Variants in LUZP2 observed in about 807,000 individuals in gnomAD.
LUZP2 encodes the protein leucine zipper protein 2.
In LUZP2, 52 loss-of-function variants were observed where a neutral mutation model predicts 51.6. That is an observed-to-expected ratio of 1.01 (90% confidence interval 0.81 to 1.27). The LOEUF (loss-of-function observed/expected upper bound fraction) is 1.27, where lower values mean the gene tolerates loss of function less well. LUZP2 is among the 50% of genes most tolerant of loss of function. The pLI is 0.00. For missense variants in LUZP2, 436 were observed against 395.4 expected (o/e 1.10, Z -0.87); for synonymous variants, 154 against 137.3 (o/e 1.12, Z -0.85).
chr11:24,741,320 C>G (rs1306052727), intron 4 of LUZP2, among the ~76,000 whole-genome samples: 2 of 152,088 alleles, frequency 1.3e-5, no homozygotes, highest in East Asian at 3.9e-4. Flanking sequence ...GATATTTTTA[C>G]TGTTATTAAA....
chr11:24,803,544 C>G lies in LUZP2; in HGVS notation c.396+40236C>G, dbSNP rs376830291. Among the ~76,000 whole-genome samples the G allele has an allele frequency of 1.9e-4, 29 of 152,126 alleles. No homozygotes were observed. The East Asian group carries it at 4.6e-3, about 24-fold the overall frequency. On this transcript the variant is annotated intron_variant, in intron 5 of 11. Coordinates refer to ENST00000336930, the MANE Select transcript of LUZP2 (RefSeq NM_001009909.4). ...ATTCATACACCAACATTTATAGCAG[C>G]GTTATTCACAGCAGCTAAAATGGGA... is the stretch of plus-strand genomic sequence containing the variant.
chr11:24,792,106 A>G (rs1849425058), intron 5 of LUZP2, among the ~76,000 whole-genome samples: 1 of 151,796 alleles, frequency 6.6e-6, no homozygotes, highest in South Asian at 2.1e-4. Context: ...CTTGTGACCT[A>G]CCTATCTTGC....
chr11:24,627,847 C>T (rs1449195056), intron 1 of LUZP2, among the ~76,000 whole-genome samples: 1 of 152,200 alleles, frequency 6.6e-6, no homozygotes, highest in Non-Finnish European at 1.5e-5. Context: ...TTCCCTCCAG[C>T]TTACTCTTCT....
intron 5 of LUZP2, among the ~76,000 whole-genome samples, chr11:24,809,585 A>G (rs1849956784): frequency 6.6e-6 from 1 of 152,160 alleles, no homozygotes; most frequent in Admixed American, 6.6e-5. Context: ...GCCTTAAGGT[A>G]TTTAGGGAAG....
chr11:24,865,928 G>T (rs1851880029), intron 5 of LUZP2, among the ~76,000 whole-genome samples: 2 of 151,742 alleles, frequency 1.3e-5, no homozygotes, highest in African/African-American at 4.8e-5. Context: ...TCCTGCCTCA[G>T]CCTCTGGAGT....
chr11:24,768,113 A>G (rs1444835670), intron 5 of LUZP2, among the ~76,000 whole-genome samples: 2 of 152,066 alleles, frequency 1.3e-5, no homozygotes, highest in East Asian at 3.9e-4. Context: ...CACTGGGACA[A>G]GCATCTTTAA....
chr11:24,911,783 G>A (rs1377915444), intron 6 of LUZP2, among the ~76,000 whole-genome samples: 1 of 152,154 alleles, frequency 6.6e-6, no homozygotes, highest in African/African-American at 2.4e-5. Context: ...GGGAAGCTGT[G>A]TGAGGACAGA....
At chr11:24,513,754 A>G (rs1301704875) in intron 1 of LUZP2, among the ~76,000 whole-genome samples, 1 of 152,162 alleles carries the variant, frequency 6.6e-6, no homozygotes, top group Non-Finnish European at 1.5e-5. Context: ...CCAAACAATC[A>G]CTAAATGCTG....
chr11:24,624,466 A>C (rs1475240621), intron 1 of LUZP2, among the ~76,000 whole-genome samples: 1 of 152,168 alleles, frequency 6.6e-6, no homozygotes, highest in Admixed American at 6.5e-5. Context: ...AGAGCATATT[A>C]AATTGAAAGT....
At chr11:24,669,315 T>C (rs1856323374) in intron 1 of LUZP2, among the ~76,000 whole-genome samples, 1 of 152,146 alleles carries the variant, frequency 6.6e-6, no homozygotes, top group Admixed American at 6.5e-5. Flanking sequence ...TGTGCCTAGT[T>C]GTATTCAGTG....
At chr11:24,563,459 T>C (rs1262697299) in intron 1 of LUZP2, among the ~76,000 whole-genome samples, 1 of 152,210 alleles carries the variant, frequency 6.6e-6, no homozygotes, top group African/African-American at 2.4e-5. Flanking sequence ...CTTTCATAGA[T>C]CTTACATGTT....
chr11:24,921,243 T>C (rs928427810), intron 7 of LUZP2, among the ~76,000 whole-genome samples: 2 of 152,074 alleles, frequency 1.3e-5, no homozygotes, highest in East Asian at 3.9e-4. Context: ...GAACCACATG[T>C]GCGGCAGAAA....
rs1565255331 is a variant in LUZP2 at position 25,031,008 on chromosome 11, TATA to T, written c.766-19029_766-19027del. 6.9e-3 allele frequency among the ~76,000 whole-genome samples: 35 copies of T among 5,036 alleles called. 5 individuals carry two copies. Among genetic ancestry groups the T allele is most frequent in the African/African-American group, 0.035 (31 of 874 alleles). 3.3% of individuals were successfully genotyped at this position (5,036 alleles called of 152,430 possible). On this transcript the variant is annotated intron_variant, in intron 9 of 11. Coordinates refer to ENST00000336930, the MANE Select transcript of LUZP2 (RefSeq NM_001009909.4). ...ATACAATATATATTATATATATATA[TATA>T]TATATTTTTTTTTTTTTTTGAGACA...
chr11:25,057,181 T>C (rs1858714232), intron 10 of LUZP2, among the ~76,000 whole-genome samples: 1 of 152,182 alleles, frequency 6.6e-6, no homozygotes, highest in African/African-American at 2.4e-5. Flanking sequence ...TAGCTCCTTT[T>C]AAGAAGCAGC....
chr11:24,751,482 C>T (rs1449578013), intron 4 of LUZP2: 21 of 536,378 alleles, frequency 3.9e-5, no homozygotes, highest in Non-Finnish European at 4.8e-5. Flanking sequence ...TCAGGCCTCT[C>T]CTGTCATCAA....
At chr11:24,739,187 T>C (rs1352613811) in intron 4 of LUZP2, among the ~76,000 whole-genome samples, 1 of 151,890 alleles carries the variant, frequency 6.6e-6, no homozygotes, top group Non-Finnish European at 1.5e-5. Context: ...AGAGGCTTTG[T>C]TGTGGTTTCT....
intron 9 of LUZP2, among the ~76,000 whole-genome samples, chr11:25,020,345 G>A (rs949759857): frequency 3.3e-5 from 5 of 152,118 alleles, no homozygotes; most frequent in African/African-American, 9.6e-5. Flanking sequence ...CTAATAAATT[G>A]TGATAATTAA....
At chr11:24,689,714 A>T (rs948775413) in intron 1 of LUZP2, among the ~76,000 whole-genome samples, 5 of 152,076 alleles carry the variant, frequency 3.3e-5, no homozygotes, top group Admixed American at 2.6e-4. Flanking sequence ...AATTTCCCCC[A>T]TGTTATATGC....
chr11:24,958,120 T>C lies in LUZP2; in HGVS notation c.523-18471T>C, dbSNP rs530891749. On this transcript the variant is annotated intron_variant, in intron 7 of 11. Coordinates refer to ENST00000336930, the MANE Select transcript of LUZP2 (RefSeq NM_001009909.4). ...TGGCTGCATAGTATTCCATGGTGTA[T>C]ATGTGCCACATTTTCTTAATCCAGT... Among the ~76,000 whole-genome samples, 32 of 152,342 alleles carry C rather than the reference T, an allele frequency of 2.1e-4. No homozygotes were observed. In the South Asian group the frequency reaches 5.6e-3, roughly 27 times the overall value.
Sources: allele counts gnomAD v4.1 joint callset (sites outside exome capture counted in the v4.1 genomes callset), GRCh38; gene constraint gnomAD v4.1.1; transcripts MANE v1.5; gene names NCBI Gene and HGNC (gene_info 2026-07-23, HGNC 2026-07-21).